Variants in IGFL4 observed in about 807,000 individuals in gnomAD.
The protein encoded by IGFL4 is IGF like family member 4, also known as insulin growth factor-like family member 4.
In IGFL4, 12 loss-of-function variants were observed where a neutral mutation model predicts 15.4. That is an observed-to-expected ratio of 0.78 (90% CI 0.50 to 1.26). IGFL4 has a LOEUF of 1.26. IGFL4 is among the 50% of genes most tolerant of loss of function. The pLI, the probability that IGFL4 is intolerant of heterozygous loss-of-function variation, is 0.00. For missense variants in IGFL4, 126 were observed against 147.8 expected (o/e 0.85, Z 0.76); for synonymous variants, 54 against 55.9 (o/e 0.97, Z 0.16).
rs373040433 is a variant in IGFL4 at position 46,054,523 on chromosome 19, T to G, written c.-323+5662A>C. On this transcript the variant is annotated intron_variant, in intron 2 of 5. Coordinates refer to the IGFL4 transcript ENST00000601672. The stretch of plus-strand genomic sequence containing the variant: ...GTTACGACAGCTTCGTAGTATATTT[T>G]GAGGTCTGGTAGTGTGATGCTTCCA... Among the ~76,000 whole-genome samples the G allele has an allele frequency of 8.5e-5, 13 of 152,350 alleles. No homozygotes were observed. In the South Asian group the frequency reaches 1.9e-3, roughly 22 times the overall value.
upstream of IGFL4, among the ~76,000 whole-genome samples, chr19:46,043,590 GAGATACAT>G (rs1471010117): frequency 6.6e-6 from 1 of 152,166 alleles, no homozygotes; most frequent in East Asian, 1.9e-4. Flanking sequence ...GGCAAGTGGA[GAGATACAT>G]AGATCAATGG....
Position 46,040,924 on chromosome 19 carries a change from T to C in IGFL4, c.19+20A>G. The C allele has an allele frequency of 6.3e-7, 1 of 1,587,410 alleles. No homozygotes were observed. Among genetic ancestry groups the C allele is most frequent in the Non-Finnish European group, 8.6e-7 (1 of 1,166,352 alleles). On this transcript the variant is annotated intron_variant, in intron 1 of 3. Coordinates refer to ENST00000377697, the MANE Select transcript of IGFL4 (RefSeq NM_001002923.3). This position sits in a 1 kb window ranked among gnomAD's most constrained non-coding sequence, Gnocchi z 4.1. ...GATATCATTAGGGATTAGCTTAGCC[T>C]AGGGCTGGGGTCTCCTTACCAGAAA...
chr19:46,053,653 C>T (rs142443412), intron 2 of IGFL4, among the ~76,000 whole-genome samples: 2 of 152,252 alleles, frequency 1.3e-5, no homozygotes, highest in East Asian at 3.9e-4. Flanking sequence ...AGTAGGATTG[C>T]TGGATGATAT....
At chr19:46,055,514 T>A (rs572759742) in intron 2 of IGFL4, among the ~76,000 whole-genome samples, 11 of 152,328 alleles carry the variant, frequency 7.2e-5, no homozygotes, top group African/African-American at 2.6e-4. Context: ...CCATTCAACA[T>A]TGTGGCCACA....
intron 1 of IGFL4, among the ~76,000 whole-genome samples, chr19:46,061,362 A>T (rs2111517): frequency 0.85 from 129,823 of 152,236 alleles, 55,818 homozygotes; most frequent in African/African-American, 0.93. Context: ...AATATTTGAT[A>T]TAAGCTCTTA....
At chr19:46,069,850 T>C (rs546978860) in intron 1 of IGFL4, among the ~76,000 whole-genome samples, 1 of 152,362 alleles carries the variant, frequency 6.6e-6, no homozygotes, top group East Asian at 1.9e-4. Context: ...CTGAGCCATA[T>C]GCATAGGGAA....
chr19:46,075,233 G>A (rs561531157), intron 1 of IGFL4, among the ~76,000 whole-genome samples: 107 of 152,142 alleles, frequency 7.0e-4, no homozygotes, highest in Non-Finnish European at 1.3e-3. Context: ...TTTATACCCC[G>A]TTAGTAACTA....
intron 1 of IGFL4, among the ~76,000 whole-genome samples, chr19:46,076,172 A>T (rs919154448): frequency 6.6e-6 from 1 of 152,206 alleles, no homozygotes; most frequent in East Asian, 1.9e-4. Context: ...AATCCCACTC[A>T]TGAGGGAGGA....
At chr19:46,064,855 G>A (rs1480824637) in intron 1 of IGFL4, among the ~76,000 whole-genome samples, 1 of 152,064 alleles carries the variant, frequency 6.6e-6, no homozygotes, top group Non-Finnish European at 1.5e-5. Context: ...AGTTTTTTGA[G>A]GAATCTTCAA....
intron 1 of IGFL4, among the ~76,000 whole-genome samples, chr19:46,071,758 C>T (rs967619631): frequency 3.3e-5 from 5 of 152,224 alleles, no homozygotes; most frequent in South Asian, 4.1e-4. Flanking sequence ...CGGTGGCTCA[C>T]GCCCGTAATC....
chr19:46,065,308 G>GCTTTT (rs145761586), intron 1 of IGFL4, among the ~76,000 whole-genome samples: 18 of 150,582 alleles, frequency 1.2e-4, no homozygotes, highest in East Asian at 7.8e-4. Flanking sequence ...CTGTGCAGAA[G>GCTTTT]CTTTTCTTTT....
chr19:46,066,434 A>G (rs558997064), intron 1 of IGFL4, among the ~76,000 whole-genome samples: 1 of 152,296 alleles, frequency 6.6e-6, no homozygotes, highest in African/African-American at 2.4e-5. Flanking sequence ...TGCAGACTCA[A>G]AGCCAAAGAA....
At chr19:46,071,415 G>T (rs1250136468) in intron 1 of IGFL4, among the ~76,000 whole-genome samples, 1 of 152,166 alleles carries the variant, frequency 6.6e-6, no homozygotes, top group African/African-American at 2.4e-5. Context: ...AGTTGGTTCT[G>T]CTTCTCTCCC....
intron 1 of IGFL4, among the ~76,000 whole-genome samples, chr19:46,067,414 C>T (rs1380675943): frequency 6.6e-6 from 1 of 152,160 alleles, no homozygotes; most frequent in Admixed American, 6.5e-5. Context: ...CCTTCACCTT[C>T]CTGGGTTCCA....
Position 46,050,903 on chromosome 19 carries a change from T to A in IGFL4, c.-323+9282A>T, listed in dbSNP as rs139658095. On this transcript the variant is annotated intron_variant, in intron 2 of 5. Transcript: ENST00000601672. ...TAAAGAAAAGATGAAGGAAAGAATC[T>A]TAAGTCCTGTGAGGCAAAAGCATCA... Among the ~76,000 whole-genome samples the A allele has an allele frequency of 4.2e-3, 646 of 152,248 alleles. 4 individuals carry two copies. The highest frequency in any genetic ancestry group is 0.015 in the African/African-American group (619 of 41,542).
intron 1 of IGFL4, among the ~76,000 whole-genome samples, chr19:46,073,360 C>T (rs1349786586): frequency 6.6e-6 from 1 of 152,048 alleles, no homozygotes; most frequent in Non-Finnish European, 1.5e-5. Flanking sequence ...ATTAGAGTTC[C>T]TTCTTTCCTT....
rs993918202 is a variant in IGFL4 at position 46,040,336 on chromosome 19, C to T, written c.151G>A (p.Gly51Ser). The part of the protein sequence containing the change: ...YNPLEQCCDD[G>S]VILDLNQTRL... ...GTCTGGTTCAAGTCTAGGATGACAC[C>T]GTCATCACAGCACTGCTCCAAGGGG... Residue 51 changes from glycine (G) to serine (S), a missense_variant, in exon 3 of 4, where the codon GGT (glycine) becomes AGT (serine). Gly to Ser is a moderately conservative substitution (Grantham distance 56, BLOSUM62 0). Transcript: ENST00000377697. This position sits in a 1 kb window ranked among gnomAD's most constrained non-coding sequence, Gnocchi z 4.1. 13 of 1,613,930 alleles carry T rather than the reference C, an allele frequency of 8.1e-6. No homozygotes were observed. Among genetic ancestry groups the T allele is most frequent in the Admixed American group, 3.3e-5 (2 of 60,008 alleles).
chr19:46,058,730 A>C (rs4802287), intron 2 of IGFL4: 1 of 152,030 alleles, frequency 6.6e-6, no homozygotes, highest in Admixed American at 6.6e-5. Flanking sequence ...GCTCAACACC[A>C]TGTGGATGCT....
intron 1 of IGFL4, among the ~76,000 whole-genome samples, chr19:46,070,721 T>C (rs2146529383): frequency 6.6e-6 from 1 of 152,204 alleles, no homozygotes; most frequent in Middle Eastern, 3.4e-3. Context: ...TTTGTCAAAA[T>C]AAAGCTCCTC....
Sources: allele counts gnomAD v4.1 joint callset (sites outside exome capture counted in the v4.1 genomes callset), GRCh38; gene constraint gnomAD v4.1.1; non-coding constraint Gnocchi (gnomAD v3.1); transcripts MANE v1.5; gene names NCBI Gene and HGNC (gene_info 2026-07-23, HGNC 2026-07-21).